ASIC2: variants seen among roughly 807,000 people sequenced by gnomAD.
The protein encoded by ASIC2 is acid sensing ion channel subunit 2.
ASIC2 carries 25 observed loss-of-function variants against 57.3 expected under a neutral mutation model. The ratio of observed to expected loss-of-function variants is 0.44; its 90% CI spans 0.32 to 0.61. The LOEUF (loss-of-function observed/expected upper bound fraction) is 0.61, where lower values mean the gene tolerates loss of function less well. Ranked by LOEUF, ASIC2 falls within the 20% of genes least tolerant of loss-of-function variation. The probability of loss-of-function intolerance (pLI) is 0.06; values close to 1 mark genes in which losing one functional copy is unlikely to be tolerated. For missense variants in ASIC2, 641 were observed against 738.1 expected, an observed-to-expected ratio of 0.87 and a Z score of 1.52; for synonymous variants, 319 against 307.5, an observed-to-expected ratio of 1.04 and a Z score of -0.39.
chr17:33,503,804 C>G (rs1914170023), intron 1 of ASIC2, among the ~76,000 whole-genome samples: 1 of 152,176 alleles, frequency 6.6e-6, no homozygotes, highest in African/African-American at 2.4e-5. Context: ...GTGTTTTCAT[C>G]TATAAAACAC....
chr17:33,398,443 G>A (rs1910158274), intron 1 of ASIC2, among the ~76,000 whole-genome samples: 2 of 152,156 alleles, frequency 1.3e-5, no homozygotes, highest in Admixed American at 6.6e-5. Context: ...GACAGCATTG[G>A]GCCTCTTGGT....
intron 1 of ASIC2, among the ~76,000 whole-genome samples, chr17:34,034,261 C>A (rs1034027055): frequency 1.3e-5 from 2 of 152,070 alleles, no homozygotes; most frequent in Non-Finnish European, 2.9e-5. Flanking sequence ...AGACAAAAAC[C>A]ACATGATTAT....
intron 1 of ASIC2, among the ~76,000 whole-genome samples, chr17:33,515,759 C>T (rs939236455): frequency 4.6e-5 from 7 of 152,198 alleles, no homozygotes; most frequent in East Asian, 1.9e-4. Context: ...TGCCCACTCT[C>T]GGACTTGGCT....
chr17:33,370,863 C>T lies in ASIC2; in HGVS notation c.556-258796G>A, dbSNP rs1270611583. On this transcript the variant is annotated intron_variant, in intron 1 of 9. Coordinates refer to the ASIC2 transcript ENST00000359872. ...CCAGACCCCAAGTTCTTGGATCTCA[C>T]ACAAGAAAGAATTCCAGGCAAGTCC... 3.3e-5 allele frequency among the ~76,000 whole-genome samples: 5 copies of T among 152,178 alleles called. No individual in the cohort carries two copies. In the South Asian group the frequency reaches 1.0e-3, roughly 32 times the overall value.
rs567224884 is a variant in ASIC2 at position 33,979,825 on chromosome 17, T to A, written c.555+176153A>T. Among the ~76,000 whole-genome samples the A allele has an allele frequency of 3.3e-5, 5 of 152,294 alleles. No individual in the cohort carries two copies. The East Asian group carries it at 9.7e-4, about 29-fold the overall frequency. On this transcript the variant is annotated intron_variant, in intron 1 of 9. Transcript: ENST00000359872. ...CTATCTTCACACTTAGAGGTCTCAA[T>A]TTCTGCTTACACACCTTCAATAATG...
chr17:34,077,859 T>C lies in ASIC2; in HGVS notation c.555+78119A>G, dbSNP rs141306711. Among the ~76,000 whole-genome samples the C allele has an allele frequency of 2.0e-5, 3 of 152,126 alleles. No homozygotes were observed. In the East Asian group the frequency reaches 5.8e-4, roughly 29 times the overall value. On this transcript the variant is annotated intron_variant, in intron 1 of 9. Coordinates refer to the ASIC2 transcript ENST00000359872. ...CAGGCCACATCACAGCCGAAAAGCA[T>C]TGTGTGGCTCCCAGCGACCCCAGAA...
intron 1 of ASIC2, among the ~76,000 whole-genome samples, chr17:33,430,066 C>A (rs1597725596): frequency 6.6e-6 from 1 of 152,190 alleles, no homozygotes; most frequent in South Asian, 2.1e-4. Context: ...AGTGTTTTCT[C>A]CAGTCCCATC....
rs1452969733 is a variant in ASIC2, at chr17:33,464,476, TTTTCTCTCTTTC to T, written c.556-352421_556-352410del. ...CTTTTTCTCTTTCTTTCTTTCTTTC[TTTTCTCTCTTTC>T]TTTCTTTCTTTCTTTCTTTCTTTCT... On this transcript the variant is annotated intron_variant, in intron 1 of 9. Coordinates refer to the ASIC2 transcript ENST00000359872. Among the ~76,000 whole-genome samples, 445 of 71,896 alleles carry T rather than the reference TTTTCTCTCTTTC, an allele frequency of 6.2e-3. 20 individuals carry two copies. Among genetic ancestry groups the T allele is most frequent in the East Asian group, 0.017 (45 of 2,694 alleles). 47.2% of individuals were successfully genotyped at this position (71,896 alleles called of 152,430 possible). A position where few individuals can be genotyped will look rare whatever the true frequency, so the allele number is the denominator to read the frequency against.
At chr17:33,990,092 G>A (rs1841618461) in intron 1 of ASIC2, among the ~76,000 whole-genome samples, 1 of 152,184 alleles carries the variant, frequency 6.6e-6, no homozygotes, top group African/African-American at 2.4e-5. Flanking sequence ...CTAGCTTAAG[G>A]GTGAAGGTGG....
intron 1 of ASIC2, among the ~76,000 whole-genome samples, chr17:33,247,926 C>T (rs1012263395): frequency 6.6e-5 from 10 of 151,940 alleles, no homozygotes; most frequent in East Asian, 1.9e-4. Flanking sequence ...TGTGTATGTA[C>T]GGGACAGCCA....
chr17:33,497,900 G>A (rs952858167), intron 1 of ASIC2, among the ~76,000 whole-genome samples: 1 of 152,192 alleles, frequency 6.6e-6, no homozygotes, highest in Non-Finnish European at 1.5e-5. Context: ...TTCCCCACAA[G>A]CTCTGAATTA....
intron 1 of ASIC2, among the ~76,000 whole-genome samples, chr17:33,518,556 G>A (rs148670932): frequency 2.7e-3 from 414 of 152,210 alleles, no homozygotes; most frequent in African/African-American, 9.6e-3. Context: ...TCTCTCCCTG[G>A]GGCCTCAGTT....
intron 2 of ASIC2, 118 bp downstream of exon 2, chr17:33,111,799 A>G: frequency 7.1e-7 from 1 of 1,404,950 alleles, no homozygotes; most frequent in Non-Finnish European, 9.5e-7. Context: ...GCATGTCACA[A>G]ACCCCTTGCT....
intron 1 of ASIC2, among the ~76,000 whole-genome samples, chr17:33,919,180 G>A (rs918071844): frequency 6.6e-6 from 1 of 152,110 alleles, no homozygotes; most frequent in Non-Finnish European, 1.5e-5. Flanking sequence ...TCCTTCCAGG[G>A]TTACAAACAA....
intron 1 of ASIC2, among the ~76,000 whole-genome samples, chr17:34,088,112 C>T (rs150009996): frequency 0.018 from 2,742 of 152,182 alleles, 80 homozygotes; most frequent in East Asian, 0.059. Flanking sequence ...GGAGGAGAGG[C>T]GCTCTGATTT....
chr17:33,754,662 A>G (rs1567707074), intron 1 of ASIC2, among the ~76,000 whole-genome samples: 1 of 152,170 alleles, frequency 6.6e-6, no homozygotes, highest in Non-Finnish European at 1.5e-5. Flanking sequence ...TGTGTTAAAG[A>G]ACAGTTCCCT....
chr17:33,344,958 C>T (rs560506036), intron 1 of ASIC2, among the ~76,000 whole-genome samples: 2 of 151,200 alleles, frequency 1.3e-5, no homozygotes, highest in East Asian at 1.9e-4. Context: ...CTGGGGACAG[C>T]GGCTTGAATT....
At chr17:33,594,107 C>T (rs1352801055) in intron 1 of ASIC2, among the ~76,000 whole-genome samples, 1 of 152,236 alleles carries the variant, frequency 6.6e-6, no homozygotes, top group Non-Finnish European at 1.5e-5. Flanking sequence ...CTCGCGTTTC[C>T]TACACCATTT....
In ASIC2 at chr17:33,188,960, T is replaced by C. The variant is rs531718032; in HGVS notation, c.709-76893A>G. 2.6e-5 allele frequency among the ~76,000 whole-genome samples: 4 copies of C among 152,316 alleles called. No homozygotes were observed. The East Asian group carries it at 7.7e-4, about 29-fold the overall frequency. ...AAATAACAATGTGTTGTGGGGTTTA[T>C]AGCATATGTAGAAGAAAAATGTATG... On this transcript the variant is annotated intron_variant, in intron 1 of 9. Coordinates refer to ENST00000225823, the MANE Select transcript of ASIC2 (RefSeq NM_183377.2).
Sources: gnomAD v4.1 joint callset for allele counts (sites outside exome capture counted in the v4.1 genomes callset) on GRCh38, gnomAD v4.1.1 for gene constraint, MANE v1.5 for transcripts, NCBI Gene and HGNC (gene_info 2026-07-23, HGNC 2026-07-21) for gene names.